The following NDUFB3 variants were observed in gnomAD, a reference collection of about 807,000 sequenced individuals.
The protein encoded by NDUFB3 is NADH dehydrogenase [ubiquinone] 1 beta subcomplex subunit 3.
A neutral mutation model predicts 9.0 loss-of-function variants in NDUFB3; 7 were observed. The observed-to-expected ratio is 0.78, with a 90% CI of 0.44 to 1.46. NDUFB3 has a LOEUF of 1.46. Among genes scored for constraint, NDUFB3 ranks in the 40% most tolerant of loss-of-function variants. NDUFB3 has a pLI of 0.01. For missense variants in NDUFB3, 93 were observed against 115.4 expected (o/e 0.81, Z 0.89); for synonymous variants, 29 against 38.5 (o/e 0.75, Z 0.91).
At position 201,085,718 on chromosome 2, in the gene NDUFB3, G is replaced by A; in HGVS notation, c.*103G>A. 2 of 872,388 alleles carry A rather than the reference G, an allele frequency of 2.3e-6. No homozygotes were observed. Among genetic ancestry groups the A allele is most frequent in the Non-Finnish European group, 3.3e-6 (2 of 611,164 alleles). The allele number at this position is 872,388 out of a possible 1,614,324, so 54.0% of individuals were successfully genotyped here. On this transcript the variant is annotated 3_prime_UTR_variant, in exon 3 of 3. Coordinates refer to ENST00000237889, the MANE Select transcript of NDUFB3 (RefSeq NM_002491.3). ...TTTATCCCTTACAGAATATTAGTAA[G>A]ATTTAATCAATTAAAATATATATAT... is the stretch of plus-strand genomic sequence containing the variant.
Position 201,085,602 on chromosome 2 carries a change from A to G in NDUFB3, c.284A>G (p.Lys95Arg). 2 of 1,611,180 alleles carry G rather than the reference A, an allele frequency of 1.2e-6. No homozygotes were observed. Among genetic ancestry groups the G allele is most frequent in the Non-Finnish European group, 1.7e-6 (2 of 1,178,864 alleles). Residue 95 changes from lysine to arginine, a missense_variant, in exon 3 of 3, where the codon AAG becomes AGG. Lys to Arg is a conservative substitution (Grantham distance 26). Coordinates refer to ENST00000237889, the MANE Select transcript of NDUFB3 (RefSeq NM_002491.3). The part of the protein sequence containing the change: ...EYYLESLNKD[K>R]KHH ...TACCTGGAGTCCCTGAATAAAGATA[A>G]GAAGCATCACTGAAGATAATACCTG...
At position 201,078,907 on chromosome 2, in the gene NDUFB3, C is replaced by G; in HGVS notation, c.25C>G (p.His9Asp). The G allele has an allele frequency of 6.2e-7, 1 of 1,611,714 alleles. No individual in the cohort carries two copies. The highest frequency in any genetic ancestry group is 8.5e-7 in the Non-Finnish European group (1 of 1,179,564). Residue 9 changes from histidine (H) to aspartate (D), a missense_variant, in exon 2 of 3, where the codon CAT becomes GAT. His to Asp is a moderately conservative substitution (Grantham distance 81). Transcript: ENST00000237889. ...CATGGCCCATGAACATGGACATGAG[C>G]ATGGACATCATAAAATGGAACTTCC... MAHEHGHEHGHHKMELPDY... is the reference protein window; with the variant it reads MAHEHGHEDGHHKMELPDY...
intron 2 of NDUFB3, chr2:201,079,742 C>T (rs1299790631): frequency 1.3e-5 from 2 of 152,166 alleles, no homozygotes; most frequent in African/African-American, 4.8e-5. Context: ...TACACCTAGC[C>T]ACATTAAAAT....
rs553347459 is a variant in NDUFB3, at chr2:201,080,445, A to G, written c.140+1423A>G. Among the ~76,000 whole-genome samples, 4 of 152,230 alleles carry G rather than the reference A, an allele frequency of 2.6e-5. No homozygotes were observed. The East Asian group carries it at 7.7e-4, about 29-fold the overall frequency. Reference sequence around the variant, plus strand: ...AATTGCCAGATGTGATGACACACACATGTAGTCCCAGCTACTCAGGAGGCT... The same window carrying G: ...AATTGCCAGATGTGATGACACACACGTGTAGTCCCAGCTACTCAGGAGGCT... On this transcript the variant is annotated intron_variant, in intron 2 of 2. Transcript: ENST00000237889.
At chr2:201,085,130 C>T (rs1193606748) in intron 2 of NDUFB3, among the ~76,000 whole-genome samples, 3 of 152,154 alleles carry the variant, frequency 2.0e-5, no homozygotes, top group South Asian at 2.1e-4. Context: ...TTCATCTTTC[C>T]GTGATGTTGT....
At chr2:201,080,850 C>T (rs907274533) in intron 2 of NDUFB3, among the ~76,000 whole-genome samples, 5 of 151,666 alleles carry the variant, frequency 3.3e-5, no homozygotes, top group Admixed American at 3.3e-4. Context: ...ACTACAGGTG[C>T]CTGCCACCAT....
intron 1 of NDUFB3, among the ~76,000 whole-genome samples, chr2:201,074,694 G>A (rs2047141041): frequency 6.6e-6 from 1 of 152,084 alleles, no homozygotes; most frequent in Non-Finnish European, 1.5e-5. Flanking sequence ...GGCCTCAAGT[G>A]ATCCACCTGC....
chr2:201,079,351 G>A (rs907838117), intron 2 of NDUFB3, among the ~76,000 whole-genome samples: 1 of 151,516 alleles, frequency 6.6e-6, no homozygotes, highest in Non-Finnish European at 1.5e-5. Context: ...CACCATGTTG[G>A]CCAAGATAGT....
intron 1 of NDUFB3, among the ~76,000 whole-genome samples, chr2:201,078,095 G>C (rs1007497589): frequency 2.0e-5 from 3 of 152,058 alleles, no homozygotes; most frequent in Non-Finnish European, 2.9e-5. Context: ...GAGGTCAGGA[G>C]ATTCAGACCA....
chr2:201,083,488 G>A (rs1303596245), intron 2 of NDUFB3, among the ~76,000 whole-genome samples: 1 of 151,482 alleles, frequency 6.6e-6, no homozygotes, highest in East Asian at 1.9e-4. Context: ...CCGAATAGCT[G>A]GGATTACAGG....
chr2:201,075,253 C>A (rs1276216862), intron 1 of NDUFB3, among the ~76,000 whole-genome samples: 1 of 151,418 alleles, frequency 6.6e-6, no homozygotes, highest in East Asian at 1.9e-4. Context: ...ACTTTCTGCT[C>A]TTTTTGAAAA....
chr2:201,078,920 A>G lies in NDUFB3; in HGVS notation c.38A>G (p.Lys13Arg). The change falls in exon 2 of 3, where the codon AAA (lysine) becomes AGA (arginine). Residue 13 changes from lysine (K) to arginine (R), a missense_variant. Coordinates refer to ENST00000237889, the MANE Select transcript of NDUFB3 (RefSeq NM_002491.3). ...HEHGHEHGHHKMELPDYRQWK... is the reference protein window; with the variant it reads ...HEHGHEHGHHRMELPDYRQWK... ...CATGGACATGAGCATGGACATCATAAAATGGAACTTCCAGATTATAGACAA... is the reference window on the plus strand; with the variant it reads ...CATGGACATGAGCATGGACATCATAGAATGGAACTTCCAGATTATAGACAA... 2 of 1,612,662 alleles carry G rather than the reference A, an allele frequency of 1.2e-6. No homozygotes were observed. The highest frequency in any genetic ancestry group is 1.7e-6 in the Non-Finnish European group (2 of 1,179,692).
At chr2:201,083,668 T>C (rs1034647439) in intron 2 of NDUFB3, among the ~76,000 whole-genome samples, 1 of 152,166 alleles carries the variant, frequency 6.6e-6, no homozygotes, top group African/African-American at 2.4e-5. Context: ...TTAATGGATA[T>C]TGGATTTTGT....
rs768388896 is a variant in NDUFB3 at position 201,078,985 on chromosome 2, A to C, written c.103A>C (p.Lys35Gln). The change falls in exon 2 of 3, where the codon AAG becomes CAG. Residue 35 changes from lysine (K) to glutamine (Q), a missense_variant. Lys to Gln is a moderately conservative substitution (Grantham distance 53). Coordinates refer to ENST00000237889, the MANE Select transcript of NDUFB3 (RefSeq NM_002491.3). ...EGTPLETIQK[K>Q]LAAKGLRDPW... ...GACACCATTAGAAACTATCCAGAAG[A>C]AGCTGGCTGCAAAAGGGCTAAGGGA... The C allele has an allele frequency of 4.4e-5, 71 of 1,613,262 alleles. No homozygotes were observed. The highest frequency in any genetic ancestry group is 5.7e-5 in the Non-Finnish European group (67 of 1,179,772).
intron 1 of NDUFB3, among the ~76,000 whole-genome samples, chr2:201,073,469 T>C (rs2047121039): frequency 6.6e-6 from 1 of 152,204 alleles, no homozygotes; most frequent in Non-Finnish European, 1.5e-5. Flanking sequence ...AAAGGTTCTT[T>C]TAAAAACATA....
At chr2:201,081,927 T>A (rs764035287) in intron 2 of NDUFB3, among the ~76,000 whole-genome samples, 13 of 151,814 alleles carry the variant, frequency 8.6e-5, no homozygotes, top group Non-Finnish European at 1.6e-4. Context: ...ACCATTCTCC[T>A]GCCTCAGCCT....
intron 1 of NDUFB3, among the ~76,000 whole-genome samples, chr2:201,076,180 A>G (rs2125532416): frequency 6.6e-6 from 1 of 151,662 alleles, no homozygotes; most frequent in East Asian, 1.9e-4. Context: ...GTTTGAGAGT[A>G]TCGGTTTTCA....
intron 2 of NDUFB3, among the ~76,000 whole-genome samples, chr2:201,083,177 A>C (rs569450219): frequency 3.3e-5 from 5 of 152,246 alleles, no homozygotes; most frequent in African/African-American, 9.6e-5. Context: ...CACCACTACT[A>C]TAATGTTGAA....
At chr2:201,075,474 G>A (rs1392965521) in intron 1 of NDUFB3, among the ~76,000 whole-genome samples, 1 of 149,266 alleles carries the variant, frequency 6.7e-6, no homozygotes, top group Non-Finnish European at 1.5e-5. Flanking sequence ...GCTGAGGCAG[G>A]AGAATTGCTT....
Sources: allele counts gnomAD v4.1 joint callset (sites outside exome capture counted in the v4.1 genomes callset), GRCh38; gene constraint gnomAD v4.1.1; transcripts MANE v1.5; gene names NCBI Gene and HGNC (gene_info 2026-07-23, HGNC 2026-07-21).